The following MTNR1A variants were observed in gnomAD, a reference collection of about 807,000 sequenced individuals.
MTNR1A encodes melatonin receptor type 1A.
MTNR1A carries 7 observed loss-of-function variants against 5.5 expected under a neutral mutation model. The ratio of observed to expected loss-of-function variants is 1.28; its 90% CI spans 0.73 to 2.40. The LOEUF (loss-of-function observed/expected upper bound fraction) is 2.40. Ranked by LOEUF, MTNR1A falls within the 30% of genes most tolerant of loss-of-function variation. The probability of loss-of-function intolerance (pLI) is 0.00; values close to 1 mark genes in which losing one functional copy is unlikely to be tolerated. For missense variants in MTNR1A, 441 were observed against 464.4 expected, an observed-to-expected ratio of 0.95 and a Z score of 0.46; for synonymous variants, 196 against 202.7, an observed-to-expected ratio of 0.97 and a Z score of 0.28.
rs189604085 is a variant in MTNR1A at position 186,544,532 on chromosome 4, G to A, written c.185-9975C>T. Reference sequence around the variant, plus strand: ...CTTCTGCATCACTTTGCTTTTTTGTGAATTACACAGAAATCTATCAACCTA... The same window carrying A: ...CTTCTGCATCACTTTGCTTTTTTGTAAATTACACAGAAATCTATCAACCTA... On this transcript the variant is annotated intron_variant, in intron 1 of 1. Coordinates refer to ENST00000307161, the MANE Select transcript of MTNR1A (RefSeq NM_005958.4). Among the ~76,000 whole-genome samples the A allele has an allele frequency of 2.6e-3, 391 of 152,258 alleles. 1 individual carries two copies. Among genetic ancestry groups the A allele is most frequent in the African/African-American group, 8.5e-3 (354 of 41,550 alleles).
chr4:186,549,576 C>A (rs1737225948), intron 1 of MTNR1A, among the ~76,000 whole-genome samples: 1 of 152,192 alleles, frequency 6.6e-6, no homozygotes, highest in Admixed American at 6.5e-5. Flanking sequence ...TAAGCTCCAG[C>A]TACCATCTAC....
intron 1 of MTNR1A, among the ~76,000 whole-genome samples, chr4:186,540,151 C>T (rs1034700753): frequency 1.2e-4 from 19 of 152,152 alleles, no homozygotes; most frequent in East Asian, 3.9e-4. Flanking sequence ...TTCACTATCT[C>T]GAGAACAGCA....
chr4:186,550,753 C>A (rs1347745925), intron 1 of MTNR1A, among the ~76,000 whole-genome samples: 1 of 152,212 alleles, frequency 6.6e-6, no homozygotes, highest in Non-Finnish European at 1.5e-5. Flanking sequence ...GCCAGAAATA[C>A]TTTCTTACGA....
chr4:186,555,160 G>A lies in MTNR1A; in HGVS notation c.184+22C>T, dbSNP rs1423237188. Reference sequence around the variant, plus strand: ...GCGCTGCGTCCGGAGCGCTGGCCCAGGGGAGGCGGCGCGGGCCCTACCTGC... The same window carrying A: ...GCGCTGCGTCCGGAGCGCTGGCCCAAGGGAGGCGGCGCGGGCCCTACCTGC... On this transcript the variant is annotated intron_variant, in intron 1 of 1. Transcript: ENST00000307161. The surrounding 1 kb of genome is among the most constrained non-coding windows in gnomAD (Gnocchi z 4.1). 6.3e-7 allele frequency: 1 copy of A among 1,583,290 alleles called. No homozygotes were observed. Among genetic ancestry groups the A allele is most frequent in the Non-Finnish European group, 8.6e-7 (1 of 1,165,308 alleles).
intron 1 of MTNR1A, among the ~76,000 whole-genome samples, chr4:186,540,255 A>T (rs1480382491): frequency 6.6e-6 from 1 of 152,238 alleles, no homozygotes; most frequent in Non-Finnish European, 1.5e-5. Context: ...GGACACAGCC[A>T]AACCGCATCA....
rs1389165623 is a variant in MTNR1A, at chr4:186,555,513, C to T, written c.-148G>A. ...GCGCCCCCGGACGCCCACGCCGCGC[C>T]GGACGCCACGGCCAGGTGACACCTG... On this transcript the variant is annotated 5_prime_UTR_variant, in exon 1 of 2. Coordinates refer to ENST00000307161, the MANE Select transcript of MTNR1A (RefSeq NM_005958.4). The surrounding 1 kb of genome is among the most constrained non-coding windows in gnomAD (Gnocchi z 4.1). 8 of 505,288 alleles carry T rather than the reference C, an allele frequency of 1.6e-5. No homozygotes were observed. The highest frequency in any genetic ancestry group is 5.0e-5 in the Admixed American group (1 of 20,002). The allele number at this position is 505,288 out of a possible 1,614,324, so 31.3% of individuals were successfully genotyped here.
chr4:186,544,298 C>T (rs1398050657), intron 1 of MTNR1A, among the ~76,000 whole-genome samples: 1 of 152,188 alleles, frequency 6.6e-6, no homozygotes, highest in East Asian at 1.9e-4. Flanking sequence ...GGATTACAGG[C>T]GTGAGCCACC....
At chr4:186,554,358 G>C (rs13147171) in intron 1 of MTNR1A, among the ~76,000 whole-genome samples, 135,970 of 151,888 alleles carry the variant, frequency 0.9, 61,378 homozygotes, top group East Asian at 1. Context: ...TGCACGTTTC[G>C]TTCCCCGCCC....
At chr4:186,539,500 A>C (rs76199389) in intron 1 of MTNR1A, among the ~76,000 whole-genome samples, 10 of 152,274 alleles carry the variant, frequency 6.6e-5, no homozygotes, top group African/African-American at 1.9e-4. Context: ...TTAATCGCCA[A>C]TGTGATAGTA....
In MTNR1A at chr4:186,534,130, G is replaced by T; in HGVS notation, c.612C>A (p.Ile204=). 1 of 1,614,010 alleles carries T rather than the reference G, an allele frequency of 6.2e-7. No individual in the cohort carries two copies. The highest frequency in any genetic ancestry group is 8.5e-7 in the Non-Finnish European group (1 of 1,179,890). The part of the protein sequence containing the change: ...FHFLVPMIIV[I]FCYLRIWILV... ...GGATCCATATTCTCAGGTAACAGAAGATGACTATGATCATGGGGACGAGGA... is the reference window on the plus strand; with the variant it reads ...GGATCCATATTCTCAGGTAACAGAATATGACTATGATCATGGGGACGAGGA... The change falls in exon 2 of 2, where the codon ATC becomes ATA. Residue 204 remains isoleucine (I), a synonymous_variant. Transcript: ENST00000307161.
chr4:186,534,697 G>A, intron 1 of MTNR1A, 140 bp from the exon 2 acceptor site: 1 of 922,320 alleles, frequency 1.1e-6, no homozygotes, highest in Admixed American at 2.8e-5. Context: ...TGAAGTGGAG[G>A]CCGTTTCCCA....
intron 1 of MTNR1A, among the ~76,000 whole-genome samples, chr4:186,548,823 ATATATATATATATATATATATATACAC>A (rs1737208241): frequency 1.2e-5 from 1 of 86,840 alleles, no homozygotes; most frequent in South Asian, 4.6e-4. Flanking sequence ...ATATATATAT[ATATATATATATATATATATATATACAC>A]TATATATGTA....
At chr4:186,552,880 C>T (rs1416854275) in intron 1 of MTNR1A, among the ~76,000 whole-genome samples, 5 of 152,182 alleles carry the variant, frequency 3.3e-5, no homozygotes, top group East Asian at 1.9e-4. Context: ...AAGAGTAGAG[C>T]GAATATTCTG....
intron 1 of MTNR1A, 145 bp from the exon 2 acceptor site, chr4:186,534,702 T>C (rs1053181202): frequency 3.4e-5 from 29 of 840,900 alleles, no homozygotes; most frequent in Non-Finnish European, 5.0e-5. Flanking sequence ...TGGAGGCCGT[T>C]TCCCAGGAGG....
intron 1 of MTNR1A, among the ~76,000 whole-genome samples, chr4:186,549,793 G>T (rs115295523): frequency 3.3e-5 from 5 of 152,074 alleles, no homozygotes; most frequent in Non-Finnish European, 7.3e-5. Flanking sequence ...TGACAAACCT[G>T]CAAAAATTTA....
At chr4:186,553,940 G>A (rs1033469818) in intron 1 of MTNR1A, among the ~76,000 whole-genome samples, 1 of 152,300 alleles carries the variant, frequency 6.6e-6, no homozygotes, top group East Asian at 1.9e-4. Context: ...TACAGTCCCT[G>A]GGAACAATCT....
chr4:186,552,591 A>G (rs1464319551), intron 1 of MTNR1A, among the ~76,000 whole-genome samples: 1 of 152,202 alleles, frequency 6.6e-6, no homozygotes, highest in Non-Finnish European at 1.5e-5. Flanking sequence ...ACAAGCCAAC[A>G]CAGTATTACG....
At chr4:186,540,623 T>C (rs1736993233) in intron 1 of MTNR1A, among the ~76,000 whole-genome samples, 1 of 152,210 alleles carries the variant, frequency 6.6e-6, no homozygotes. Flanking sequence ...AAGGACCAGG[T>C]GCTGTCTATC....
At chr4:186,542,354 A>G (rs1202158625) in intron 1 of MTNR1A, among the ~76,000 whole-genome samples, 1 of 152,140 alleles carries the variant, frequency 6.6e-6, no homozygotes, top group Non-Finnish European at 1.5e-5. Context: ...ACACCCACGG[A>G]CGTACAGGAC....
Sources: allele counts gnomAD v4.1 joint callset (sites outside exome capture counted in the v4.1 genomes callset), GRCh38; gene constraint gnomAD v4.1.1; non-coding constraint Gnocchi (gnomAD v3.1); transcripts MANE v1.5; gene names NCBI Gene and HGNC (gene_info 2026-07-23, HGNC 2026-07-21).